AOPEP: variants seen among roughly 807,000 people sequenced by gnomAD.
AOPEP encodes aminopeptidase O (putative).
Under a neutral mutation model 98.1 loss-of-function variants are expected in AOPEP, and 77 were observed. That is an observed-to-expected ratio of 0.78 (90% CI 0.65 to 0.95). The LOEUF is 0.95. Ranked by LOEUF, AOPEP falls within the 40% of genes least tolerant of loss-of-function variation. The pLI is 0.00. For missense variants in AOPEP, 1,024 were observed against 1,024.7 expected (o/e 1.00, Z 0.01); for synonymous variants, 346 against 365.3 (o/e 0.95, Z 0.60).
the AOPEP span, among the ~76,000 whole-genome samples, chr9:95,121,000 G>C: frequency 4.6e-5 from 7 of 152,154 alleles, no homozygotes; most frequent in Non-Finnish European, 8.8e-5. Flanking sequence ...AGGGCAGCTG[G>C]GGGGAGGCAG....
At chr9:95,121,073 C>T in the AOPEP span, among the ~76,000 whole-genome samples, 3 of 152,208 alleles carry the variant, frequency 2.0e-5, no homozygotes, top group South Asian at 2.1e-4. Flanking sequence ...TCCACTTTTT[C>T]AGGTGCTCTG....
intron 13 of AOPEP, among the ~76,000 whole-genome samples, chr9:95,057,202 TA>T (rs1245249940): frequency 1.3e-5 from 2 of 152,246 alleles, no homozygotes; most frequent in Non-Finnish European, 2.9e-5. Flanking sequence ...CACTCTGTGG[TA>T]CGACCAAAGC....
intron 5 of AOPEP, among the ~76,000 whole-genome samples, chr9:94,851,020 C>T (rs2043481637): frequency 6.6e-6 from 1 of 152,210 alleles, no homozygotes; most frequent in Non-Finnish European, 1.5e-5. Context: ...TGGTACCAGC[C>T]TGGGGATGAC....
At chr9:95,006,018 C>T (rs566468477) in intron 13 of AOPEP, 1 of 476,158 alleles carries the variant, frequency 2.1e-6, no homozygotes, top group South Asian at 1.5e-5. Flanking sequence ...TTGGAGTCAT[C>T]TAAGAAATAG....
At chr9:94,899,538 C>T (rs7852844) in intron 5 of AOPEP, among the ~76,000 whole-genome samples, 129,049 of 151,518 alleles carry the variant, frequency 0.85, 56,618 homozygotes, top group Non-Finnish European at 0.95. Context: ...TTACTTGAGC[C>T]CAGGAGTTTG....
At chr9:94,867,520 C>T (rs112390901) in intron 5 of AOPEP, among the ~76,000 whole-genome samples, 45 of 152,326 alleles carry the variant, frequency 3.0e-4, no homozygotes, top group African/African-American at 1.0e-3. Flanking sequence ...TCCTACTTTG[C>T]GTAGCCCATA....
At chr9:94,756,094 C>T (rs1209519662) in intron 1 of AOPEP, among the ~76,000 whole-genome samples, 1 of 151,688 alleles carries the variant, frequency 6.6e-6, no homozygotes, top group Non-Finnish European at 1.5e-5. Flanking sequence ...CCTGTCTCTA[C>T]CAAAAATACA....
At chr9:94,829,220 G>GCACACA (rs1251321888) in intron 5 of AOPEP, among the ~76,000 whole-genome samples, 5 of 150,846 alleles carry the variant, frequency 3.3e-5, no homozygotes, top group East Asian at 3.9e-4. Flanking sequence ...ACACGCACAC[G>GCACACA]CACACACACA....
chr9:94,904,098 T>C (rs1427678119), intron 5 of AOPEP: 1 of 152,174 alleles, frequency 6.6e-6, no homozygotes, highest in Non-Finnish European at 1.5e-5. Context: ...TAGTGTCCTT[T>C]GCTGCATCTG....
chr9:94,781,274 G>A (rs1843181373), intron 3 of AOPEP, among the ~76,000 whole-genome samples: 1 of 152,114 alleles, frequency 6.6e-6, no homozygotes, highest in Non-Finnish European at 1.5e-5. Context: ...AAACTATTGA[G>A]CGCAGAGACC....
chr9:94,899,870 A>G (rs1025266401), intron 5 of AOPEP, among the ~76,000 whole-genome samples: 2 of 152,184 alleles, frequency 1.3e-5, no homozygotes, highest in African/African-American at 4.8e-5. Context: ...TTGAGTCCCA[A>G]CTTACTGTCT....
intron 5 of AOPEP, among the ~76,000 whole-genome samples, chr9:94,848,172 A>G (rs1223235141): frequency 6.6e-6 from 1 of 152,176 alleles, no homozygotes; most frequent in African/African-American, 2.4e-5. Flanking sequence ...ATCTTGGGCC[A>G]GTGCAGTGGC....
At chr9:94,967,497 T>C (rs539291136) in intron 9 of AOPEP, among the ~76,000 whole-genome samples, 17 of 152,274 alleles carry the variant, frequency 1.1e-4, no homozygotes, top group African/African-American at 4.1e-4. Context: ...CAAAACAAAA[T>C]AGACTGTTGG....
At chr9:95,086,328 G>A in intron 16 of AOPEP, 2 of 985,464 alleles carry the variant, frequency 2.0e-6, no homozygotes, top group Non-Finnish European at 2.4e-6. Flanking sequence ...CCAGCAGGGG[G>A]CCGTTTGCCC....
chr9:95,006,722 G>C (rs1488112609), intron 13 of AOPEP, among the ~76,000 whole-genome samples: 2 of 151,852 alleles, frequency 1.3e-5, no homozygotes, highest in Admixed American at 6.6e-5. Flanking sequence ...AAAAAGTTGT[G>C]ATTTGGAACA....
At chr9:94,918,843 G>T (rs767117424) in intron 5 of AOPEP, among the ~76,000 whole-genome samples, 3 of 152,048 alleles carry the variant, frequency 2.0e-5, no homozygotes, top group South Asian at 4.1e-4. Flanking sequence ...TCTCTCTGCC[G>T]TAGTCACATT....
intron 5 of AOPEP, among the ~76,000 whole-genome samples, chr9:94,863,280 C>CTT (rs11299544): frequency 0.021 from 1,916 of 91,570 alleles, 72 homozygotes; most frequent in African/African-American, 0.064. Flanking sequence ...CTCTTTTTCT[C>CTT]TTTTTTTTTT....
At chr9:94,835,318 G>A (rs1272632947) in intron 5 of AOPEP, among the ~76,000 whole-genome samples, 1 of 152,096 alleles carries the variant, frequency 6.6e-6, no homozygotes, top group Non-Finnish European at 1.5e-5. Context: ...GATAGATGTG[G>A]TCAAGGTTTT....
At chr9:94,927,409 C>T (rs1371045721) in intron 6 of AOPEP, among the ~76,000 whole-genome samples, 1 of 152,228 alleles carries the variant, frequency 6.6e-6, no homozygotes, top group Admixed American at 6.5e-5. Flanking sequence ...CTTCCCTGCA[C>T]CTTGCTCCCT....
Sources: gnomAD v4.1 joint callset for allele counts (sites outside exome capture counted in the v4.1 genomes callset) on GRCh38, gnomAD v4.1.1 for gene constraint, MANE v1.5 for transcripts, NCBI Gene and HGNC (gene_info 2026-07-23, HGNC 2026-07-21) for gene names.